Variants in VWA3A observed in about 807,000 individuals in gnomAD.
The protein encoded by VWA3A is von Willebrand factor A domain containing 3A, also known as von Willebrand factor A domain-containing protein 3A.
Under a neutral mutation model 160.4 loss-of-function variants are expected in VWA3A, and 134 were observed. The ratio of observed to expected loss-of-function variants is 0.84; its 90% CI spans 0.73 to 0.96. The LOEUF is 0.96. VWA3A is among the 40% of genes least tolerant of loss of function. VWA3A has a pLI of 0.00. For synonymous variants in VWA3A, 476 were observed against 543.4 expected, an observed-to-expected ratio of 0.88 and a Z score of 1.72; for missense variants, 1,310 against 1,447.9, an observed-to-expected ratio of 0.90 and a Z score of 1.55.
chr16:22,123,155 A>G lies in VWA3A; in HGVS notation c.1427A>G (p.Tyr476Cys), dbSNP rs200794387. 6.1e-5 allele frequency: 97 copies of G among 1,602,828 alleles called. 1 individual carries two copies. The highest frequency in any genetic ancestry group is 2.4e-4 in the South Asian group (21 of 88,636). Residue 476 changes from tyrosine to cysteine, a missense_variant, in exon 15 of 34, where the codon TAT (tyrosine) becomes TGT (cysteine). By Grantham distance (194) the Tyr-to-Cys change is radical. Transcript: ENST00000389398. The stretch of plus-strand genomic sequence containing the variant: ...ATTCATGTGGACCCACCCTTCCTCT[A>G]TAAGTACCAGGTCAGTGATGGGTTC... Reference protein sequence around the residue: ...KNIHVDPPFLYKYQQQLSRAM... With the variant: ...KNIHVDPPFLCKYQQQLSRAM...
At chr16:22,144,798 G>C in intron 26 of VWA3A, among the ~76,000 whole-genome samples, 1 of 151,936 alleles carries the variant, frequency 6.6e-6, no homozygotes, top group East Asian at 1.9e-4. Context: ...CCTGTAGTCC[G>C]AGCTACTTGG....
At position 22,116,860 on chromosome 16, in the gene VWA3A, T is replaced by C; in HGVS notation, c.917T>C (p.Met306Thr). The C allele has an allele frequency of 6.2e-7, 1 of 1,612,738 alleles. No homozygotes were observed. The highest frequency in any genetic ancestry group is 8.5e-7 in the Non-Finnish European group (1 of 1,179,562). ...ATCACCTACAGATGCGATGATCAGATGCCCCCTGTGAGTGCCCGAGATTCT... is the reference window on the plus strand; with the variant it reads ...ATCACCTACAGATGCGATGATCAGACGCCCCCTGTGAGTGCCCGAGATTCT... ...HFITYRCDDQMPPAVLKNLAE... is the reference protein window; with the variant it reads ...HFITYRCDDQTPPAVLKNLAE... Residue 306 changes from methionine to threonine, a missense_variant, in exon 10 of 34, where the codon ATG becomes ACG. Met to Thr is a moderately conservative substitution (Grantham distance 81). Transcript: ENST00000389398.
Position 22,097,647 on chromosome 16 carries a change from G to A in VWA3A, c.177G>A (p.Ser59=), listed in dbSNP as rs1385516356. ...QKNMNGLGQN[S]DNGLLVTHVN... is the part of the protein sequence containing the mutation. ...ATATGAATGGACTTGGGCAAAATTC[G>A]GACAATGGATTATTGGTTACACATG... Residue 59 remains serine (S), a synonymous_variant, in exon 3 of 34, where the codon TCG becomes TCA. Coordinates refer to ENST00000389398, the MANE Select transcript of VWA3A (RefSeq NM_173615.5). 1.7e-5 allele frequency: 27 copies of A among 1,551,690 alleles called. No individual in the cohort carries two copies. The highest frequency in any genetic ancestry group is 3.3e-4 in the Middle Eastern group (2 of 5,996).
intron 24 of VWA3A, 71 bp downstream of exon 24, chr16:22,141,763 C>T (rs929962754): frequency 7.3e-6 from 10 of 1,367,980 alleles, no homozygotes; most frequent in Non-Finnish European, 9.1e-6. Flanking sequence ...CAGCAGGTAC[C>T]GTGGGAAGGA....
At chr16:22,148,429 G>A (rs917738933) in intron 28 of VWA3A, 123 bp downstream of exon 28, 7 of 1,337,714 alleles carry the variant, frequency 5.2e-6, no homozygotes, top group East Asian at 2.5e-5. Flanking sequence ...TCTGAGTAAC[G>A]CGTTTGAGTA....
At chr16:22,146,712 T>G (rs572982927) in intron 27 of VWA3A, among the ~76,000 whole-genome samples, 1 of 150,438 alleles carries the variant, frequency 6.6e-6, no homozygotes, top group South Asian at 2.1e-4. Flanking sequence ...GAGGTTGCAG[T>G]GAGCTGAGAT....
intron 8 of VWA3A, among the ~76,000 whole-genome samples, chr16:22,113,259 T>C (rs2141878727): frequency 6.7e-6 from 1 of 149,246 alleles, no homozygotes; most frequent in South Asian, 2.1e-4. Flanking sequence ...TGGTGTGATC[T>C]TGGCTCACCA....
chr16:22,109,888 T>C (rs1192883766), intron 7 of VWA3A, among the ~76,000 whole-genome samples: 3 of 152,236 alleles, frequency 2.0e-5, no homozygotes, highest in Non-Finnish European at 4.4e-5. Flanking sequence ...CTGCATAGCA[T>C]AGCACAGGGC....
rs779255554 is a variant in VWA3A, at chr16:22,155,844, C to G, written c.3504-7C>G. The G allele has an allele frequency of 3.1e-6, 5 of 1,613,922 alleles. No individual in the cohort carries two copies. The highest frequency in any genetic ancestry group is 4.2e-6 in the Non-Finnish European group (5 of 1,179,880). ...GAGACCATCTTTCTTCATCTCCTGCCCACCAGATCCCAACTCCAGAAGAAA... is the reference window on the plus strand; with the variant it reads ...GAGACCATCTTTCTTCATCTCCTGCGCACCAGATCCCAACTCCAGAAGAAA... On this transcript the variant is annotated splice_region_variant and splice_polypyrimidine_tract_variant and intron_variant, in intron 32 of 33. Transcript: ENST00000389398.
Position 22,156,712 on chromosome 16 carries a change from C to A in VWA3A, c.*695C>A. The A allele has an allele frequency of 6.6e-6, 1 of 152,298 alleles. No homozygotes were observed. Among genetic ancestry groups the A allele is most frequent in the Non-Finnish European group, 1.5e-5 (1 of 68,038 alleles). 9.4% of individuals were successfully genotyped at this position (152,298 alleles called of 1,614,324 possible). ...GGCTAATGCAGAGTCACAGTCAGCC[C>A]ATCCTGGGGGAAGAAGAAACAAGTG... On this transcript the variant is annotated 3_prime_UTR_variant, in exon 34 of 34. Transcript: ENST00000389398.
intron 21 of VWA3A, among the ~76,000 whole-genome samples, chr16:22,136,354 G>C (rs1369883087): frequency 1.3e-5 from 2 of 152,186 alleles, no homozygotes; most frequent in Non-Finnish European, 2.9e-5. Flanking sequence ...GCCCATGGAA[G>C]GACGGAGAGG....
At chr16:22,151,485 G>A (rs2046347410) in intron 30 of VWA3A, among the ~76,000 whole-genome samples, 1 of 152,152 alleles carries the variant, frequency 6.6e-6, no homozygotes, top group East Asian at 1.9e-4. Context: ...TCACATTTGT[G>A]AATATTTAGG....
At chr16:22,118,643 G>A (rs2045684457) in intron 11 of VWA3A, among the ~76,000 whole-genome samples, 1 of 151,796 alleles carries the variant, frequency 6.6e-6, no homozygotes, top group African/African-American at 2.4e-5. Flanking sequence ...CCGATATTGT[G>A]CCACTGCACT....
In VWA3A at chr16:22,150,713, G is replaced by A. The variant is rs2046333430; in HGVS notation, c.3148G>A (p.Asp1050Asn). 1.2e-6 allele frequency: 2 copies of A among 1,609,812 alleles called. No homozygotes were observed. Among genetic ancestry groups the A allele is most frequent in the Non-Finnish European group, 1.7e-6 (2 of 1,178,010 alleles). ...QALLKAFSFH[D>N]LEGLYLLTDG... Reference sequence around the variant, plus strand: ...CTTTCAGAAAGCTTTCAGTTTCCATGATCTGGAAGGATTGTACCTCCTGAC... The same window carrying A: ...CTTTCAGAAAGCTTTCAGTTTCCATAATCTGGAAGGATTGTACCTCCTGAC... The change falls in exon 30 of 34, where the codon GAT (aspartate) becomes AAT (asparagine). Residue 1050 changes from aspartate (D) to asparagine (N), a missense_variant. Transcript: ENST00000389398.
intron 27 of VWA3A, among the ~76,000 whole-genome samples, chr16:22,146,800 G>C (rs577385131): frequency 1.3e-3 from 195 of 152,098 alleles, no homozygotes; most frequent in African/African-American, 4.6e-3. Context: ...GGGTTCAGAG[G>C]ACAGGCAAGG....
intron 6 of VWA3A, among the ~76,000 whole-genome samples, chr16:22,107,851 C>G (rs2045503040): frequency 6.6e-6 from 1 of 152,098 alleles, no homozygotes; most frequent in Admixed American, 6.6e-5. Flanking sequence ...GTTCCTAGGG[C>G]ACGCCAGTAT....
At chr16:22,108,816 G>C (rs1284092190) in intron 6 of VWA3A, among the ~76,000 whole-genome samples, 1 of 152,180 alleles carries the variant, frequency 6.6e-6, no homozygotes, top group African/African-American at 2.4e-5. Flanking sequence ...CCTTGACTTA[G>C]AATGGTTCAA....
At chr16:22,135,352 A>G (rs2046020803) in intron 21 of VWA3A, among the ~76,000 whole-genome samples, 1 of 152,142 alleles carries the variant, frequency 6.6e-6, no homozygotes, top group Non-Finnish European at 1.5e-5. Flanking sequence ...CTCCAGGTGC[A>G]TCCCTTCTCC....
At chr16:22,116,912 A>G (rs1467291517) in intron 10 of VWA3A, 45 bp downstream of exon 10, 4 of 1,581,564 alleles carry the variant, frequency 2.5e-6, no homozygotes, top group Non-Finnish European at 1.7e-6. Flanking sequence ...CTTTGGTGGT[A>G]GTGAGCTGGG....
Sources: allele counts gnomAD v4.1 joint callset (sites outside exome capture counted in the v4.1 genomes callset), GRCh38; gene constraint gnomAD v4.1.1; transcripts MANE v1.5; gene names NCBI Gene and HGNC (gene_info 2026-07-23, HGNC 2026-07-21).